Variants in CDKAL1 observed in about 807,000 individuals in gnomAD.
The protein encoded by CDKAL1 is CDKAL1 threonylcarbamoyladenosine tRNA methylthiotransferase.
In CDKAL1, 32 loss-of-function variants were observed where a neutral mutation model predicts 68.2. That is an observed-to-expected ratio of 0.47 (90% CI 0.35 to 0.63). CDKAL1 has a LOEUF of 0.63. Among genes scored for constraint, CDKAL1 ranks in the 30% least tolerant of loss-of-function variants. The pLI, the probability that CDKAL1 is intolerant of heterozygous loss-of-function variation, is 0.00. For synonymous variants in CDKAL1, 234 were observed against 244.3 expected (o/e 0.96, Z 0.39); for missense variants, 606 against 696.7 (o/e 0.87, Z 1.47).
chr6:20,751,724 T>C (rs989605819), intron 6 of CDKAL1, among the ~76,000 whole-genome samples: 2 of 152,228 alleles, frequency 1.3e-5, no homozygotes, highest in Non-Finnish European at 2.9e-5. Flanking sequence ...ATGAATTGTT[T>C]ATACACCAAC....
rs143778055 is a variant in CDKAL1 at position 21,066,979 on chromosome 6, C to G, written c.1236+1751C>G. 1.6e-4 allele frequency among the ~76,000 whole-genome samples: 25 copies of G among 152,302 alleles called. No homozygotes were observed. The East Asian group carries it at 4.4e-3, about 27-fold the overall frequency. ...CTTCTCCCTCCATTCACACCCAGTT[C>G]CTGACAACTACTGATCTGTTTTCTG... On this transcript the variant is annotated intron_variant, in intron 12 of 15. Coordinates refer to ENST00000274695, the MANE Select transcript of CDKAL1 (RefSeq NM_017774.3).
At chr6:20,894,861 G>T (rs1390230264) in intron 9 of CDKAL1, among the ~76,000 whole-genome samples, 1 of 151,936 alleles carries the variant, frequency 6.6e-6, no homozygotes, top group Non-Finnish European at 1.5e-5. Flanking sequence ...ATATACAGTA[G>T]GTAAGATAAC....
At chr6:20,847,891 C>T (rs1009497260) in intron 9 of CDKAL1, among the ~76,000 whole-genome samples, 1 of 152,206 alleles carries the variant, frequency 6.6e-6, no homozygotes, top group African/African-American at 2.4e-5. Context: ...AAAATACACT[C>T]CACAGTGTGG....
chr6:20,916,854 T>C (rs1215238049), intron 9 of CDKAL1, among the ~76,000 whole-genome samples: 1 of 152,128 alleles, frequency 6.6e-6, no homozygotes, highest in Non-Finnish European at 1.5e-5. Flanking sequence ...AAAACTACCT[T>C]AGGACTAAAG....
At chr6:20,906,233 A>G (rs1347568610) in intron 9 of CDKAL1, among the ~76,000 whole-genome samples, 1 of 151,808 alleles carries the variant, frequency 6.6e-6, no homozygotes, top group Non-Finnish European at 1.5e-5. Flanking sequence ...AATGCATTTA[A>G]GTTTTTTTTT....
At chr6:20,646,121 A>G (rs971794236) in intron 4 of CDKAL1, among the ~76,000 whole-genome samples, 1 of 140,116 alleles carries the variant, frequency 7.1e-6, no homozygotes, top group Non-Finnish European at 1.5e-5. Flanking sequence ...CAGTGGTGCA[A>G]TCTCAGCTCA....
At chr6:20,972,846 T>C (rs1339766845) in intron 10 of CDKAL1, among the ~76,000 whole-genome samples, 5 of 152,164 alleles carry the variant, frequency 3.3e-5, no homozygotes, top group African/African-American at 1.2e-4. Flanking sequence ...ACTGGACAGA[T>C]TTTCACATTT....
chr6:20,995,164 T>C (rs2150806799), intron 10 of CDKAL1, among the ~76,000 whole-genome samples: 1 of 152,308 alleles, frequency 6.6e-6, no homozygotes, highest in East Asian at 1.9e-4. Context: ...TGTTTTCCTG[T>C]TTCCACCACA....
chr6:20,780,684 T>C (rs1185118516), intron 7 of CDKAL1, among the ~76,000 whole-genome samples: 2 of 131,146 alleles, frequency 1.5e-5, no homozygotes, highest in Non-Finnish European at 3.3e-5. Flanking sequence ...TTTTTTTTTT[T>C]TTTTTTTGAG....
At chr6:20,810,632 GTGT>G (rs1776772322) in intron 8 of CDKAL1, among the ~76,000 whole-genome samples, 1 of 48,980 alleles carries the variant, frequency 2.0e-5, no homozygotes, top group African/African-American at 9.0e-5. Context: ...GTATGGGTGT[GTGT>G]GTGTGTGTGT....
chr6:20,767,917 T>C (rs1340929173), intron 7 of CDKAL1, among the ~76,000 whole-genome samples: 1 of 152,182 alleles, frequency 6.6e-6, no homozygotes, highest in Non-Finnish European at 1.5e-5. Context: ...AGACTTCAGT[T>C]AGGATATCAA....
intron 13 of CDKAL1, among the ~76,000 whole-genome samples, chr6:21,155,718 C>G (rs1776610213): frequency 6.6e-6 from 1 of 152,106 alleles, no homozygotes; most frequent in African/African-American, 2.4e-5. Flanking sequence ...TTCAAGAGAC[C>G]TGTTTCCCAT....
At chr6:20,804,791 A>C (rs1043159183) in intron 8 of CDKAL1, among the ~76,000 whole-genome samples, 1 of 152,066 alleles carries the variant, frequency 6.6e-6, no homozygotes, top group African/African-American at 2.4e-5. Context: ...AGTATCTGGG[A>C]GCCTGACTCC....
intron 11 of CDKAL1, among the ~76,000 whole-genome samples, chr6:21,013,054 T>TA (rs1175980378): frequency 6.6e-6 from 1 of 152,192 alleles, no homozygotes; most frequent in African/African-American, 2.4e-5. Flanking sequence ...ACTCTGAACT[T>TA]ACTGATGACT....
chr6:20,916,182 G>T (rs1762715773), intron 9 of CDKAL1, among the ~76,000 whole-genome samples: 1 of 152,146 alleles, frequency 6.6e-6, no homozygotes, highest in South Asian at 2.1e-4. Context: ...AAAAGAGTGA[G>T]TTCATGATGG....
Position 20,626,559 on chromosome 6 carries a change from A to G in CDKAL1, c.287-22734A>G, listed in dbSNP as rs761174515. ...TAAATTACCATTAATAATATTTTAA[A>G]ACTTATTACTAGATGATATAGAGAT... is the stretch of plus-strand genomic sequence containing the variant. On this transcript the variant is annotated intron_variant, in intron 4 of 15. Coordinates refer to ENST00000274695, the MANE Select transcript of CDKAL1 (RefSeq NM_017774.3). Among the ~76,000 whole-genome samples, 7 of 152,278 alleles carry G rather than the reference A, an allele frequency of 4.6e-5. No individual in the cohort carries two copies. In the South Asian group the frequency reaches 1.5e-3, roughly 32 times the overall value.
At chr6:20,943,038 T>C (rs1764061871) in intron 9 of CDKAL1, among the ~76,000 whole-genome samples, 1 of 150,988 alleles carries the variant, frequency 6.6e-6, no homozygotes, top group Admixed American at 6.6e-5. Context: ...TCTTTGTGTG[T>C]CATCTGGTAC....
chr6:21,148,166 G>A (rs1776267001), intron 13 of CDKAL1, among the ~76,000 whole-genome samples: 1 of 152,042 alleles, frequency 6.6e-6, no homozygotes, highest in South Asian at 2.1e-4. Context: ...TGTCACAGTT[G>A]GAAGCTTCAG....
At chr6:20,819,072 A>G (rs143705283) in intron 8 of CDKAL1, among the ~76,000 whole-genome samples, 20 of 152,194 alleles carry the variant, frequency 1.3e-4, no homozygotes, top group African/African-American at 4.6e-4. Context: ...ATCTGGTTGT[A>G]AAGAACAACT....
Sources: gnomAD v4.1 joint callset for allele counts (sites outside exome capture counted in the v4.1 genomes callset) on GRCh38, gnomAD v4.1.1 for gene constraint, MANE v1.5 for transcripts, NCBI Gene and HGNC (gene_info 2026-07-23, HGNC 2026-07-21) for gene names.